FGF12: variants seen among roughly 807,000 people sequenced by gnomAD.
FGF12 encodes the protein fibroblast growth factor 12B.
In FGF12, 14 loss-of-function variants were observed where a neutral mutation model predicts 23.6. That is an observed-to-expected ratio of 0.59 (90% confidence interval 0.39 to 0.93). The LOEUF is 0.93. FGF12 is among the 40% of genes least tolerant of loss of function. FGF12 has a pLI of 0.00. For missense variants in FGF12, 175 were observed against 217.8 expected, an observed-to-expected ratio of 0.80 and a Z score of 1.24; for synonymous variants, 62 against 77.3, an observed-to-expected ratio of 0.80 and a Z score of 1.04.
intron 4 of FGF12, among the ~76,000 whole-genome samples, chr3:192,315,019 A>T (rs1716155701): frequency 6.6e-6 from 1 of 152,232 alleles, no homozygotes. Flanking sequence ...AATGATGTTC[A>T]CAGTGGCCTC....
At chr3:192,513,494 T>C (rs1724557355) in intron 2 of FGF12, among the ~76,000 whole-genome samples, 1 of 152,178 alleles carries the variant, frequency 6.6e-6, no homozygotes, top group African/African-American at 2.4e-5. Flanking sequence ...TTTAGACTGA[T>C]GAGTAACCAC....
At chr3:192,507,408 A>C (rs1724347985) in intron 2 of FGF12, among the ~76,000 whole-genome samples, 2 of 152,026 alleles carry the variant, frequency 1.3e-5, no homozygotes, top group Admixed American at 1.3e-4. Context: ...TTTTAAATAG[A>C]TATAAATATA....
intron 4 of FGF12, among the ~76,000 whole-genome samples, chr3:192,314,856 G>A (rs990174468): frequency 6.6e-6 from 1 of 152,156 alleles, no homozygotes; most frequent in African/African-American, 2.4e-5. Flanking sequence ...TTATGTGGAA[G>A]GCATGTGTAA....
intron 2 of FGF12, among the ~76,000 whole-genome samples, chr3:192,637,091 C>T (rs1715610306): frequency 6.6e-6 from 1 of 152,154 alleles, no homozygotes; most frequent in African/African-American, 2.4e-5. Context: ...TTCCTTTATT[C>T]TTCCTTTTAT....
chr3:192,224,575 G>A (rs1300316275), intron 4 of FGF12, among the ~76,000 whole-genome samples: 1 of 151,344 alleles, frequency 6.6e-6, no homozygotes, highest in African/African-American at 2.4e-5. Context: ...TTTTTAATTT[G>A]GGCTTTTCTT....
chr3:192,605,452 G>T (rs1049756830), intron 2 of FGF12, among the ~76,000 whole-genome samples: 11 of 151,030 alleles, frequency 7.3e-5, no homozygotes, highest in African/African-American at 2.7e-4. Flanking sequence ...CCTTGGGAAA[G>T]AATCTATTAC....
Position 192,514,741 on chromosome 3 carries a change from A to G in FGF12, c.14-154203T>C, listed in dbSNP as rs1009834742. Reference sequence around the variant, plus strand: ...CATATGCACTCCTTTCTTCAGAGAAAGCTCAAGAATCTTCATGGAGAAGCG... The same window carrying G: ...CATATGCACTCCTTTCTTCAGAGAAGGCTCAAGAATCTTCATGGAGAAGCG... On this transcript the variant is annotated intron_variant, in intron 2 of 5. Coordinates refer to ENST00000445105, the MANE Select transcript of FGF12 (RefSeq NM_004113.6). The surrounding 1 kb of genome is among the most constrained non-coding windows in gnomAD (Gnocchi z 4.9). 2 of 985,356 alleles carry G rather than the reference A, an allele frequency of 2.0e-6. No individual in the cohort carries two copies. 61.0% of individuals were successfully genotyped at this position (985,356 alleles called of 1,614,324 possible). A position where few individuals can be genotyped will look rare whatever the true frequency, so the allele number is the denominator to read the frequency against.
intron 2 of FGF12, among the ~76,000 whole-genome samples, chr3:192,606,446 G>A (rs749924132): frequency 1.1e-4 from 16 of 152,024 alleles, no homozygotes; most frequent in Non-Finnish European, 1.8e-4. Flanking sequence ...TGGGTGATGG[G>A]ATCAACTGTA....
chr3:192,525,088 C>A lies in FGF12; in HGVS notation c.14-164550G>T, dbSNP rs1724910251. 2.0e-5 allele frequency among the ~76,000 whole-genome samples: 3 copies of A among 152,070 alleles called. No homozygotes were observed. In the South Asian group the frequency reaches 6.2e-4, roughly 31 times the overall value. On this transcript the variant is annotated intron_variant, in intron 2 of 5. Coordinates refer to ENST00000445105, the MANE Select transcript of FGF12 (RefSeq NM_004113.6). The stretch of plus-strand genomic sequence containing the variant: ...TATTAACATCATAGTTCTCTTTCTG[C>A]CATCCTCTAAGTGTTACTATTTACC...
chr3:192,218,438 A>G (rs9837283), intron 4 of FGF12, among the ~76,000 whole-genome samples: 38 of 152,226 alleles, frequency 2.5e-4, no homozygotes, highest in African/African-American at 8.2e-4. Context: ...ATGGTTAAAT[A>G]CTATCCCTTT....
intron 4 of FGF12, among the ~76,000 whole-genome samples, chr3:192,318,121 C>T (rs1038083220): frequency 2.6e-5 from 4 of 152,130 alleles, no homozygotes; most frequent in Admixed American, 6.5e-5. Context: ...CAAAGTCCTC[C>T]GAAGGAGGAC....
At chr3:192,516,464 C>G (rs1035184965) in intron 2 of FGF12, 2 of 152,286 alleles carry the variant, frequency 1.3e-5, no homozygotes, top group Non-Finnish European at 2.9e-5. Flanking sequence ...CACACCTGTT[C>G]TCTTTCTCTT....
intron 4 of FGF12, among the ~76,000 whole-genome samples, chr3:192,223,996 C>A (rs1718603859): frequency 6.6e-6 from 1 of 152,098 alleles, no homozygotes; most frequent in Non-Finnish European, 1.5e-5. Flanking sequence ...GCCTCAGCAG[C>A]TTTGTTAGCA....
chr3:192,243,773 T>G (rs368476538), intron 4 of FGF12, among the ~76,000 whole-genome samples: 1 of 152,006 alleles, frequency 6.6e-6, no homozygotes, highest in East Asian at 1.9e-4. Flanking sequence ...ATGCAAAAAT[T>G]TTTGTATTAC....
chr3:192,246,783 C>T (rs1711606209), intron 4 of FGF12, among the ~76,000 whole-genome samples: 1 of 144,930 alleles, frequency 6.9e-6, no homozygotes, highest in Non-Finnish European at 1.5e-5. Context: ...CAAGATTGTG[C>T]CACTGTACTC....
chr3:192,279,291 G>A (rs1255449490), intron 4 of FGF12, among the ~76,000 whole-genome samples: 1 of 146,472 alleles, frequency 6.8e-6, no homozygotes, highest in East Asian at 2.0e-4. Flanking sequence ...ATTTAACCTA[G>A]ACAGCCACTC....
intron 4 of FGF12, among the ~76,000 whole-genome samples, chr3:192,305,503 G>A (rs1044003564): frequency 6.6e-5 from 10 of 151,546 alleles, no homozygotes; most frequent in African/African-American, 2.4e-4. Flanking sequence ...CAGCTCTCAC[G>A]TCCTCAAACC....
At chr3:192,722,837 T>A (rs1719082617) in intron 2 of FGF12, among the ~76,000 whole-genome samples, 1 of 152,200 alleles carries the variant, frequency 6.6e-6, no homozygotes, top group Admixed American at 6.5e-5. Context: ...AGAGTGAAAT[T>A]GTCAAGTTCA....
At chr3:192,228,670 T>G (rs952109323) in intron 4 of FGF12, among the ~76,000 whole-genome samples, 1 of 152,020 alleles carries the variant, frequency 6.6e-6, no homozygotes, top group Non-Finnish European at 1.5e-5. Flanking sequence ...CATCACTATT[T>G]TAGGAAAGAA....
Sources: allele counts gnomAD v4.1 joint callset (sites outside exome capture counted in the v4.1 genomes callset), GRCh38; gene constraint gnomAD v4.1.1; non-coding constraint Gnocchi (gnomAD v3.1); transcripts MANE v1.5; gene names NCBI Gene and HGNC (gene_info 2026-07-23, HGNC 2026-07-21).